Variants in PID1 observed in about 807,000 individuals in gnomAD.
The protein encoded by PID1 is phosphotyrosine interaction domain containing 1, also known as PTB-containing, cubilin and LRP1-interacting protein.
A neutral mutation model predicts 19.1 loss-of-function variants in PID1; 10 were observed. That is an observed-to-expected ratio of 0.52 (90% CI 0.32 to 0.89). PID1 has a LOEUF of 0.89. Among genes scored for constraint, PID1 ranks in the 40% least tolerant of loss-of-function variants. The pLI, the probability that PID1 is intolerant of heterozygous loss-of-function variation, is 0.03. For synonymous variants in PID1, 130 were observed against 116.0 expected (o/e 1.12, Z -0.78); for missense variants, 248 against 285.3 (o/e 0.87, Z 0.94).
chr2:229,131,769 C>T (rs1318418827), intron 2 of PID1, among the ~76,000 whole-genome samples: 5 of 151,762 alleles, frequency 3.3e-5, no homozygotes, highest in Non-Finnish European at 7.4e-5. Flanking sequence ...ATCAGCCAAG[C>T]AACGTTCACT....
chr2:229,046,134 C>T (rs558046067), intron 2 of PID1, among the ~76,000 whole-genome samples: 1 of 152,068 alleles, frequency 6.6e-6, no homozygotes, highest in African/African-American at 2.4e-5. Context: ...GGGAACCATG[C>T]TGCAATAAGG....
At chr2:229,053,896 G>T (rs1451460448) in intron 2 of PID1, among the ~76,000 whole-genome samples, 1 of 152,168 alleles carries the variant, frequency 6.6e-6, no homozygotes, top group East Asian at 1.9e-4. Flanking sequence ...GCAGGTTTTA[G>T]AATTAAGATT....
chr2:229,213,527 T>C (rs1574727276), intron 1 of PID1, among the ~76,000 whole-genome samples: 1 of 152,236 alleles, frequency 6.6e-6, no homozygotes, highest in East Asian at 1.9e-4. Flanking sequence ...GTAGTTTCCA[T>C]ATTCTAAACT....
intron 1 of PID1, among the ~76,000 whole-genome samples, chr2:229,234,714 C>A (rs1352182056): frequency 6.6e-6 from 1 of 152,116 alleles, no homozygotes; most frequent in African/African-American, 2.4e-5. Flanking sequence ...CATTTGCCTA[C>A]TAGAAATATA....
chr2:229,196,582 A>G (rs1691383264), intron 1 of PID1, among the ~76,000 whole-genome samples: 2 of 152,072 alleles, frequency 1.3e-5, no homozygotes, highest in Admixed American at 6.6e-5. Flanking sequence ...AAATCAGTCA[A>G]ATTATCTTGT....
At chr2:229,146,417 C>G (rs944356708) in intron 2 of PID1, among the ~76,000 whole-genome samples, 3 of 152,012 alleles carry the variant, frequency 2.0e-5, no homozygotes, top group Non-Finnish European at 4.4e-5. Context: ...ATAGGTACAG[C>G]AAACCACCAT....
intron 2 of PID1, among the ~76,000 whole-genome samples, chr2:229,118,070 C>T (rs1002077888): frequency 6.6e-6 from 1 of 152,080 alleles, no homozygotes; most frequent in African/African-American, 2.4e-5. Context: ...TCTTTGGTGA[C>T]TAAAACAGAA....
chr2:229,069,315 T>G (rs960785646), intron 2 of PID1, among the ~76,000 whole-genome samples: 6 of 152,108 alleles, frequency 3.9e-5, no homozygotes, highest in Admixed American at 3.9e-4. Flanking sequence ...TAGTGAGTTT[T>G]AGGTTCCAAG....
chr2:229,201,333 C>T lies in PID1; in HGVS notation c.31-45369G>A, dbSNP rs149586982. ...CATCATTCCGCTTTCTATCTTTAGG[C>T]TTTTGACCACTGTAAGAACTTCAGA... On this transcript the variant is annotated intron_variant, in intron 1 of 2. Transcript: ENST00000392055. 1.1e-4 allele frequency among the ~76,000 whole-genome samples: 16 copies of T among 152,194 alleles called. No individual in the cohort carries two copies. In the East Asian group the frequency reaches 1.4e-3, roughly 13 times the overall value.
intron 1 of PID1, among the ~76,000 whole-genome samples, chr2:229,246,712 A>C (rs1385510099): frequency 6.6e-6 from 1 of 152,204 alleles, no homozygotes; most frequent in Non-Finnish European, 1.5e-5. Flanking sequence ...ACCTGCCTCC[A>C]ATCCTTCAAC....
At chr2:229,147,528 A>G (rs1420596907) in intron 2 of PID1, among the ~76,000 whole-genome samples, 1 of 151,892 alleles carries the variant, frequency 6.6e-6, no homozygotes, top group African/African-American at 2.4e-5. Context: ...ATTTTACATT[A>G]TTTTATAAAA....
intron 1 of PID1, among the ~76,000 whole-genome samples, chr2:229,157,051 G>A (rs35419420): frequency 0.32 from 48,711 of 151,870 alleles, 8,525 homozygotes; most frequent in East Asian, 0.69. Flanking sequence ...TAAAGCAGCC[G>A]GCATACATAT....
rs553121746 is a variant in PID1 at position 229,136,342 on chromosome 2, C to A, written c.177+19476G>T. On this transcript the variant is annotated intron_variant, in intron 2 of 2. Coordinates refer to ENST00000392055, the MANE Select transcript of PID1 (RefSeq NM_001100818.2). ...AGCTTGACCACAACCTCAGGAGAGA[C>A]CCCGAGACACAGGTGGTCAGATAAC... Among the ~76,000 whole-genome samples the A allele has an allele frequency of 3.9e-5, 6 of 152,224 alleles. No homozygotes were observed. The South Asian group carries it at 1.0e-3, about 26-fold the overall frequency.
intron 1 of PID1, among the ~76,000 whole-genome samples, chr2:229,238,395 G>A (rs932891639): frequency 8.5e-5 from 13 of 152,220 alleles, no homozygotes; most frequent in African/African-American, 3.1e-4. Context: ...CCGCAGGCCA[G>A]AGCCCAAAGA....
chr2:229,113,843 G>A (rs572231343), intron 2 of PID1, among the ~76,000 whole-genome samples: 1 of 152,050 alleles, frequency 6.6e-6, no homozygotes, highest in African/African-American at 2.4e-5. Flanking sequence ...TACCCAGAGA[G>A]TTAGTTGGTC....
intron 2 of PID1, among the ~76,000 whole-genome samples, chr2:229,151,571 C>CTTTTTTT (rs1176333725): frequency 7.0e-6 from 1 of 142,166 alleles, no homozygotes; most frequent in Non-Finnish European, 1.5e-5. Flanking sequence ...ACTTCTATTT[C>CTTTTTTT]TTTTTTTTTT....
chr2:229,209,744 G>C (rs1000744239), intron 1 of PID1, among the ~76,000 whole-genome samples: 6 of 152,154 alleles, frequency 3.9e-5, no homozygotes. Context: ...TCAAATGTAA[G>C]TGGAATGCTA....
Position 229,025,600 on chromosome 2 carries a change from A to G in PID1, c.*32T>C, listed in dbSNP as rs1356583176. The stretch of plus-strand genomic sequence containing the variant: ...TCTATTCCCTTGAACTCCGTGACCA[A>G]TGCTGCCTTTGCTGAAGCGTCTCAA... On this transcript the variant is annotated 3_prime_UTR_variant, in exon 3 of 3. Transcript: ENST00000392055. The G allele has an allele frequency of 4.6e-6, 7 of 1,523,252 alleles. No homozygotes were observed. Among genetic ancestry groups the G allele is most frequent in the African/African-American group, 1.4e-5 (1 of 73,116 alleles). The allele number at this position is 1,523,252 out of a possible 1,614,324, so 94.4% of individuals were successfully genotyped here. A position where few individuals can be genotyped will look rare whatever the true frequency, so the allele number is the denominator to read the frequency against.
chr2:229,045,945 G>A (rs2106178955), intron 2 of PID1, among the ~76,000 whole-genome samples: 1 of 152,292 alleles, frequency 6.6e-6, no homozygotes, highest in South Asian at 2.1e-4. Context: ...GGCTCACTCT[G>A]TGACAGGAAG....
Sources: allele counts gnomAD v4.1 joint callset (sites outside exome capture counted in the v4.1 genomes callset), GRCh38; gene constraint gnomAD v4.1.1; transcripts MANE v1.5; gene names NCBI Gene and HGNC (gene_info 2026-07-23, HGNC 2026-07-21).